ROBO2: variants seen among roughly 807,000 people sequenced by gnomAD.
ROBO2 encodes roundabout homolog 2.
A neutral mutation model predicts 160.8 loss-of-function variants in ROBO2; 53 were observed. The ratio of observed to expected loss-of-function variants is 0.33; its 90% CI spans 0.26 to 0.41. The LOEUF (loss-of-function observed/expected upper bound fraction) is 0.41, where lower values mean the gene tolerates loss of function less well. Ranked by LOEUF, ROBO2 falls within the 10% of genes least tolerant of loss-of-function variation. The pLI is 1.00. For synonymous variants in ROBO2, 664 were observed against 611.7 expected, an observed-to-expected ratio of 1.09 and a Z score of -1.26; for missense variants, 1,577 against 1,722.4, an observed-to-expected ratio of 0.92 and a Z score of 1.49.
intron 1 of ROBO2, among the ~76,000 whole-genome samples, chr3:75,930,603 G>C (rs1462848284): frequency 6.6e-6 from 1 of 152,004 alleles, no homozygotes; most frequent in African/African-American, 2.4e-5. Flanking sequence ...TTTAGAGTTT[G>C]GCCCAGACCT....
intron 2 of ROBO2, among the ~76,000 whole-genome samples, chr3:77,004,509 C>A (rs147798041): frequency 9.3e-4 from 141 of 152,190 alleles, no homozygotes; most frequent in African/African-American, 3.1e-3. Flanking sequence ...CAGTCACTTG[C>A]CTGAAGCTAT....
chr3:76,237,414 A>G (rs941087763), intron 2 of ROBO2, among the ~76,000 whole-genome samples: 4 of 152,164 alleles, frequency 2.6e-5, no homozygotes, highest in African/African-American at 9.6e-5. Context: ...AATTCCAAAG[A>G]AGCTGTATCT....
intron 2 of ROBO2, among the ~76,000 whole-genome samples, chr3:76,650,228 AAAT>A (rs2091189436): frequency 6.6e-6 from 1 of 152,176 alleles, no homozygotes; most frequent in Non-Finnish European, 1.5e-5. Flanking sequence ...AACTCACTAA[AAAT>A]AAGTGTTGGC....
rs151316771 is a variant in ROBO2, at chr3:76,934,958, A to ATTTTTTTTTTTTTTTTTTTT, written c.110-163056_110-163055insTTTTTTTTTTTTTTTTTTTT. On this transcript the variant is annotated intron_variant, in intron 2 of 26. Coordinates refer to the ROBO2 transcript ENST00000487694. ...TTTTGAAATAATTTCAGGCTTCACAAATTTTTTTTTTTTTAGACCATCTCA... is the reference window on the plus strand; with the variant it reads ...TTTTGAAATAATTTCAGGCTTCACAATTTTTTTTTTTTTTTTTTTTATTTTTTTTTTTTTAGACCATCTCA... 3.4e-5 allele frequency among the ~76,000 whole-genome samples: 5 copies of ATTTTTTTTTTTTTTTTTTTT among 146,730 alleles called. 1 individual carries two copies. The highest frequency in any genetic ancestry group is 6.7e-5 in the Admixed American group (1 of 14,830).
At chr3:77,036,141 G>A (rs1212157449), upstream of ROBO2, among the ~76,000 whole-genome samples, 1 of 151,890 alleles carries the variant, frequency 6.6e-6, no homozygotes, top group African/African-American at 2.4e-5. Context: ...AAGCAAGATT[G>A]TGCCTTTCAT....
At chr3:76,858,756 A>C (rs2070417254) in intron 2 of ROBO2, among the ~76,000 whole-genome samples, 1 of 152,316 alleles carries the variant, frequency 6.6e-6, no homozygotes, top group African/African-American at 2.4e-5. Context: ...ATTTAGGAAA[A>C]CCAAGACAAT....
intron 2 of ROBO2, among the ~76,000 whole-genome samples, chr3:76,931,226 T>C (rs1294809328): frequency 3.9e-5 from 6 of 152,226 alleles, no homozygotes; most frequent in African/African-American, 1.4e-4. Context: ...TTAAAGTCAT[T>C]GATTAATTTT....
At chr3:77,355,355 T>C (rs2068964253) in intron 2 of ROBO2, among the ~76,000 whole-genome samples, 1 of 152,220 alleles carries the variant, frequency 6.6e-6, no homozygotes. Flanking sequence ...CTTAGCAAAA[T>C]GCATTTGCTA....
intron 2 of ROBO2, among the ~76,000 whole-genome samples, chr3:77,263,928 A>T (rs1447576260): frequency 6.6e-6 from 1 of 152,050 alleles, no homozygotes; most frequent in African/African-American, 2.4e-5. Context: ...GTGTTCTCAG[A>T]TGTAAAATAA....
At chr3:76,603,490 C>T (rs1007900893) in intron 2 of ROBO2, among the ~76,000 whole-genome samples, 1 of 149,102 alleles carries the variant, frequency 6.7e-6, no homozygotes, top group Non-Finnish European at 1.5e-5. Flanking sequence ...CAATAAAGTC[C>T]TATTAAATTT....
At chr3:77,354,392 C>T (rs2068767791) in intron 2 of ROBO2, among the ~76,000 whole-genome samples, 1 of 152,112 alleles carries the variant, frequency 6.6e-6, no homozygotes, top group East Asian at 1.9e-4. Context: ...TTTTCCTTTG[C>T]CTTGATGCAC....
chr3:76,892,297 G>A (rs552105731), intron 2 of ROBO2, among the ~76,000 whole-genome samples: 2 of 150,460 alleles, frequency 1.3e-5, no homozygotes, highest in South Asian at 4.1e-4. Flanking sequence ...TTATGGCTCT[G>A]TCTTAAATCT....
At chr3:76,180,962 A>T (rs1256307568) in intron 2 of ROBO2, among the ~76,000 whole-genome samples, 2 of 152,042 alleles carry the variant, frequency 1.3e-5, no homozygotes, top group Non-Finnish European at 2.9e-5. Flanking sequence ...AAGCGAGTCA[A>T]CCTTTTCTAG....
chr3:75,983,179 G>A (rs1163924617), intron 2 of ROBO2, among the ~76,000 whole-genome samples: 1 of 151,408 alleles, frequency 6.6e-6, no homozygotes, highest in African/African-American at 2.4e-5. Flanking sequence ...TTAGAAAAAA[G>A]TGCAATGTTT....
intron 2 of ROBO2, among the ~76,000 whole-genome samples, chr3:76,276,595 G>T (rs1707938638): frequency 6.6e-6 from 1 of 151,820 alleles, no homozygotes; most frequent in Non-Finnish European, 1.5e-5. Context: ...TTTATAAATT[G>T]TTCATATCAT....
At chr3:77,251,609 T>G (rs1481879182) in intron 2 of ROBO2, among the ~76,000 whole-genome samples, 1 of 152,170 alleles carries the variant, frequency 6.6e-6, no homozygotes, top group Admixed American at 6.5e-5. Flanking sequence ...TGATATGGAT[T>G]TGTTGCGTCC....
Position 76,296,875 on chromosome 3 carries a change from G to A in ROBO2, c.109+359273G>A, listed in dbSNP as rs929957402. Among the ~76,000 whole-genome samples, 4 of 152,032 alleles carry A rather than the reference G, an allele frequency of 2.6e-5. No homozygotes were observed. The South Asian group carries it at 6.2e-4, about 24-fold the overall frequency. On this transcript the variant is annotated intron_variant, in intron 2 of 26. Transcript: ENST00000487694. ...ATCAGAGTGACAGGAAAAAGAGGAG[G>A]TTCAAAAGGAACTTTATATACTAAA... is the stretch of plus-strand genomic sequence containing the variant.
At chr3:77,197,530 C>T (rs2082415829) in intron 2 of ROBO2, among the ~76,000 whole-genome samples, 1 of 152,232 alleles carries the variant, frequency 6.6e-6, no homozygotes, top group East Asian at 1.9e-4. Flanking sequence ...GAAGTTGAGT[C>T]AGGGCTAGTA....
intron 2 of ROBO2, among the ~76,000 whole-genome samples, chr3:77,008,470 T>A (rs968558600): frequency 2.0e-5 from 3 of 152,164 alleles, no homozygotes; most frequent in Non-Finnish European, 2.9e-5. Context: ...GTACATCGCT[T>A]GTAATCAATC....
Sources: allele counts gnomAD v4.1 joint callset (sites outside exome capture counted in the v4.1 genomes callset), GRCh38; gene constraint gnomAD v4.1.1; transcripts MANE v1.5; gene names NCBI Gene and HGNC (gene_info 2026-07-23, HGNC 2026-07-21).